DNM1: variants seen among roughly 807,000 people sequenced by gnomAD.
The protein encoded by DNM1 is dynamin 1, also known as dynamin-1.
DNM1 carries 29 observed loss-of-function variants against 104.6 expected under a neutral mutation model. The observed-to-expected ratio is 0.28, with a 90% CI of 0.21 to 0.38. The LOEUF (loss-of-function observed/expected upper bound fraction) is 0.38, where lower values mean the gene tolerates loss of function less well. Ranked by LOEUF, DNM1 falls within the 10% of genes least tolerant of loss-of-function variation. The pLI is 1.00. For synonymous variants in DNM1, 445 were observed against 475.8 expected, an observed-to-expected ratio of 0.94 and a Z score of 0.84; for missense variants, 640 against 1,189.4, an observed-to-expected ratio of 0.54 and a Z score of 6.79.
rs146211149 is a variant in DNM1, at chr9:128,220,266, C to A, written c.774C>A (p.Phe258Leu). Residue 258 changes from phenylalanine to leucine, a missense_variant, in exon 6 of 22, where the codon TTC (phenylalanine) becomes TTA (leucine). Phe to Leu is a conservative substitution (Grantham distance 22). Transcript: ENST00000372923. This position sits in a 1 kb window ranked among gnomAD's most constrained non-coding sequence, Gnocchi z 5.2. ...ITAALAAERK[F>L]FLSHPSYRHL... ...CCGCCTTGGCTGCTGAACGAAAGTTCTTCCTCTCCCATCCATCTTATCGCC... is the reference window on the plus strand; with the variant it reads ...CCGCCTTGGCTGCTGAACGAAAGTTATTCCTCTCCCATCCATCTTATCGCC... 1.9e-6 allele frequency: 3 copies of A among 1,614,248 alleles called. No individual in the cohort carries two copies. Among genetic ancestry groups the A allele is most frequent in the Non-Finnish European group, 2.5e-6 (3 of 1,180,044 alleles).
Position 128,218,383 on chromosome 9 carries a change from C to A in DNM1, c.235+79C>A. 6.5e-7 allele frequency: 1 copy of A among 1,535,634 alleles called. No homozygotes were observed. Among genetic ancestry groups the A allele is most frequent in the Non-Finnish European group, 9.0e-7 (1 of 1,108,848 alleles). On this transcript the variant is annotated intron_variant, in intron 2 of 21. Coordinates refer to ENST00000372923, the MANE Select transcript of DNM1 (RefSeq NM_004408.4). The surrounding 1 kb of genome is among the most constrained non-coding windows in gnomAD (Gnocchi z 4.8). Reference sequence around the variant, plus strand: ...GTCCCCAAGCTGAGGGCCAGCCTGGCCACGAACTTGCTTGCTGTGTGACTG... The same window carrying A: ...GTCCCCAAGCTGAGGGCCAGCCTGGACACGAACTTGCTTGCTGTGTGACTG...
At chr9:128,233,142 G>C (rs1835801598) in intron 10 of DNM1, among the ~76,000 whole-genome samples, 1 of 152,260 alleles carries the variant, frequency 6.6e-6, no homozygotes, top group Non-Finnish European at 1.5e-5. Context: ...AGGGGGACGG[G>C]TTTGGAGCAA....
In DNM1 at chr9:128,239,567, CGTGTGTGTGTGTGTGTGTGTGT is replaced by C. The variant is rs34036148; in HGVS notation, c.1493+81_1493+102del. On this transcript the variant is annotated intron_variant, in intron 12 of 21. Transcript: ENST00000372923. ...AGTGCTCCCTGGGCAGAGAAGGTAA[CGTGTGTGTGTGTGTGTGTGTGT>C]GTGTGTGTGTGTGTGTGTGTGTGTG... 6.8e-4 allele frequency: 597 copies of C among 882,470 alleles called. 2 individuals carry two copies. The African/African-American group carries it at 9.8e-3, about 14-fold the overall frequency. 54.7% of individuals were successfully genotyped at this position (882,470 alleles called of 1,614,324 possible).
chr9:128,254,289 G>C lies in DNM1; in HGVS notation c.2535-365G>C. On this transcript the variant is annotated intron_variant, in intron 21 of 21. Coordinates refer to ENST00000372923, the MANE Select transcript of DNM1 (RefSeq NM_004408.4). The surrounding 1 kb of genome is among the most constrained non-coding windows in gnomAD (Gnocchi z 6.1). ...CTCCCCAAGGCAAGGGGTGGCCCCA[G>C]GCCAGTGGGTTGGAAGACAGGGTGA... 2 of 1,394,004 alleles carry C rather than the reference G, an allele frequency of 1.4e-6. No individual in the cohort carries two copies. The highest frequency in any genetic ancestry group is 1.8e-6 in the Non-Finnish European group (2 of 1,084,398). The allele number at this position is 1,394,004 out of a possible 1,614,324, so 86.4% of individuals were successfully genotyped here.
intron 10 of DNM1, among the ~76,000 whole-genome samples, chr9:128,230,741 C>A (rs1051544449): frequency 6.6e-6 from 1 of 151,986 alleles, no homozygotes; most frequent in South Asian, 2.1e-4. Context: ...CATGAGCCAC[C>A]GTGCCCAGCC....
intron 10 of DNM1, among the ~76,000 whole-genome samples, chr9:128,230,290 GA>G (rs1013338490): frequency 2.7e-3 from 379 of 141,892 alleles, no homozygotes; most frequent in African/African-American, 7.4e-3. Context: ...ATATTGTTGG[GA>G]AAAAAAAAAA....
chr9:128,203,402 GCGGAGCCGGAGT>G lies in DNM1; in HGVS notation c.-59_-48del. 1 of 1,330,268 alleles carries G rather than the reference GCGGAGCCGGAGT, an allele frequency of 7.5e-7. No individual in the cohort carries two copies. The highest frequency in any genetic ancestry group is 1.8e-5 in the South Asian group (1 of 55,822). The allele number at this position is 1,330,268 out of a possible 1,614,324, so 82.4% of individuals were successfully genotyped here. A position where few individuals can be genotyped will look rare whatever the true frequency, so the allele number is the denominator to read the frequency against. ...GCAGTCTGGGCGCGCGGCTGCAGCG[GCGGAGCCGGAGT>G]CGGAGCCGGGAGCGCTAGCGGCAGC... On this transcript the variant is annotated 5_prime_UTR_variant, in exon 1 of 22. Transcript: ENST00000372923. The surrounding 1 kb of genome is among the most constrained non-coding windows in gnomAD (Gnocchi z 5.3).
At chr9:128,235,798 T>G (rs1235563416) in intron 11 of DNM1, among the ~76,000 whole-genome samples, 2 of 152,176 alleles carry the variant, frequency 1.3e-5, no homozygotes, top group African/African-American at 4.8e-5. Flanking sequence ...CACTGAAGAC[T>G]CGACCTCCCA....
At chr9:128,237,303 C>A (rs1273281494) in intron 11 of DNM1, among the ~76,000 whole-genome samples, 2 of 152,058 alleles carry the variant, frequency 1.3e-5, no homozygotes, top group Admixed American at 1.3e-4. Context: ...TCTCAGTTGC[C>A]CAGGCTGGAG....
rs922417648 is a variant in DNM1 at position 128,220,746 on chromosome 9, T to C, written c.849+405T>C. Among the ~76,000 whole-genome samples, 513 of 92,490 alleles carry C rather than the reference T, an allele frequency of 5.5e-3. 2 individuals carry two copies. The highest frequency in any genetic ancestry group is 9.2e-3 in the African/African-American group (311 of 33,908). The allele number at this position is 92,490 out of a possible 152,430, so 60.7% of individuals were successfully genotyped here. On this transcript the variant is annotated intron_variant, in intron 6 of 21. Coordinates refer to ENST00000372923, the MANE Select transcript of DNM1 (RefSeq NM_004408.4). This position sits in a 1 kb window ranked among gnomAD's most constrained non-coding sequence, Gnocchi z 5.2. Reference sequence around the variant, plus strand: ...ACTGAAGTGCGCGCGCGCGCGCGTGTGTGTGTGTGTGTGTGTGTGTGTCTG... The same window carrying C: ...ACTGAAGTGCGCGCGCGCGCGCGTGCGTGTGTGTGTGTGTGTGTGTGTCTG...
chr9:128,224,694 A>T lies in DNM1; in HGVS notation c.1335+305A>T, dbSNP rs2131183697. ...GAGAATAGGGCTTGAGGGGACCCTG[A>T]GCCCCCTCCCTGTCCTCGGAGGTGT... On this transcript the variant is annotated intron_variant, in intron 10 of 21. Transcript: ENST00000372923. The surrounding 1 kb of genome is among the most constrained non-coding windows in gnomAD (Gnocchi z 4.3). 6.6e-6 allele frequency among the ~76,000 whole-genome samples: 1 copy of T among 151,900 alleles called. No homozygotes were observed. The highest frequency in any genetic ancestry group is 2.1e-4 in the South Asian group (1 of 4,786).
chr9:128,253,229 C>G lies in DNM1; in HGVS notation c.2535-1425C>G. On this transcript the variant is annotated intron_variant, in intron 21 of 21. Coordinates refer to ENST00000372923, the MANE Select transcript of DNM1 (RefSeq NM_004408.4). The surrounding 1 kb of genome is among the most constrained non-coding windows in gnomAD (Gnocchi z 5.9). ...GGGCGCGCACCTGGGACCTCAGAGC[C>G]AGGCTCCCCGCCCCTCCCTTCTGCA... 8.0e-7 allele frequency: 1 copy of G among 1,246,304 alleles called. No homozygotes were observed. The highest frequency in any genetic ancestry group is 2.4e-5 in the East Asian group (1 of 42,012). The allele number at this position is 1,246,304 out of a possible 1,614,324, so 77.2% of individuals were successfully genotyped here. A position where few individuals can be genotyped will look rare whatever the true frequency, so the allele number is the denominator to read the frequency against.
intron 10 of DNM1, among the ~76,000 whole-genome samples, chr9:128,228,369 C>G (rs1564337540): frequency 6.6e-6 from 1 of 151,540 alleles, no homozygotes; most frequent in Non-Finnish European, 1.5e-5. Flanking sequence ...AAGACAGGAT[C>G]TTACTATGTT....
At chr9:128,252,740 G>A in intron 21 of DNM1, 1 of 555,550 alleles carries the variant, frequency 1.8e-6, no homozygotes, top group Non-Finnish European at 3.4e-6. Flanking sequence ...CAGCACGGGT[G>A]ATCCTCTAAG....
chr9:128,213,463 A>G (rs1455358225), intron 1 of DNM1, among the ~76,000 whole-genome samples: 1 of 150,934 alleles, frequency 6.6e-6, no homozygotes, highest in Non-Finnish European at 1.5e-5. Flanking sequence ...TTGAAAATAC[A>G]AAGTCATCAA....
intron 11 of DNM1, among the ~76,000 whole-genome samples, chr9:128,236,106 T>C (rs925060576): frequency 6.6e-6 from 1 of 152,208 alleles, no homozygotes; most frequent in Non-Finnish European, 1.5e-5. Flanking sequence ...GGTCACATTA[T>C]ACCCCTCATA....
chr9:128,207,255 G>C (rs1377476584), intron 1 of DNM1, among the ~76,000 whole-genome samples: 1 of 152,102 alleles, frequency 6.6e-6, no homozygotes, highest in East Asian at 1.9e-4. Flanking sequence ...TGGCAGTTTG[G>C]TGATGCAAGT....
intron 10 of DNM1, among the ~76,000 whole-genome samples, chr9:128,230,291 A>G (rs1044446602): frequency 8.2e-5 from 12 of 145,560 alleles, no homozygotes; most frequent in African/African-American, 1.3e-4. Context: ...TATTGTTGGG[A>G]AAAAAAAAAA....
At chr9:128,223,371 C>T (rs1297835457) in intron 9 of DNM1, 1 of 157,278 alleles carries the variant, frequency 6.4e-6, no homozygotes, top group Non-Finnish European at 1.4e-5. Flanking sequence ...GAGGTGGAAT[C>T]TGTTCCTTAA....
Sources: allele counts gnomAD v4.1 joint callset (sites outside exome capture counted in the v4.1 genomes callset), GRCh38; gene constraint gnomAD v4.1.1; non-coding constraint Gnocchi (gnomAD v3.1); transcripts MANE v1.5; gene names NCBI Gene and HGNC (gene_info 2026-07-23, HGNC 2026-07-21).